Variants in GALNS observed in about 807,000 individuals in gnomAD.
The protein encoded by GALNS is N-acetylgalactosamine-6-sulfatase.
Under a neutral mutation model 65.9 loss-of-function variants are expected in GALNS, and 65 were observed. That is an observed-to-expected ratio of 0.99 (90% CI 0.81 to 1.21). The LOEUF is 1.21. Ranked by LOEUF, GALNS falls within the 50% of genes most tolerant of loss-of-function variation. The probability of loss-of-function intolerance (pLI) is 0.00; values close to 1 mark genes in which losing one functional copy is unlikely to be tolerated. For synonymous variants in GALNS, 346 were observed against 288.9 expected (o/e 1.20, Z -2.00); for missense variants, 776 against 700.7 (o/e 1.11, Z -1.21).
intron 8 of GALNS, among the ~76,000 whole-genome samples, chr16:88,833,455 T>C (rs202180920): frequency 0.016 from 1,196 of 75,282 alleles, 14 homozygotes; most frequent in African/African-American, 0.046. Context: ...TCCCATCCCC[T>C]TTTTTTTTTT....
At chr16:88,825,051 C>CCGGGGCTGGGGTGCCTGGGT (rs1567519570) in intron 10 of GALNS, among the ~76,000 whole-genome samples, 182 bp from the exon 11 acceptor site, 11 of 117,252 alleles carry the variant, frequency 9.4e-5, no homozygotes, top group Admixed American at 5.0e-4. Flanking sequence ...GGTGCCTGGG[C>CCGGGGCTGGGGTGCCTGGGT]GGCCGGGGCT....
intron 8 of GALNS, among the ~76,000 whole-genome samples, chr16:88,832,490 G>GC (rs770251238): frequency 2.8e-4 from 43 of 152,246 alleles, no homozygotes; most frequent in Non-Finnish European, 5.1e-4. Context: ...CCAACTTCTG[G>GC]CCTCCCCATG....
chr16:88,833,128 T>G (rs1174529890), intron 8 of GALNS, among the ~76,000 whole-genome samples: 3 of 139,860 alleles, frequency 2.1e-5, no homozygotes, highest in Non-Finnish European at 4.7e-5. Context: ...AGTGAAAAAG[T>G]GAACCATCCA....
intron 12 of GALNS, among the ~76,000 whole-genome samples, chr16:88,819,168 G>A (rs1356242711): frequency 6.6e-6 from 1 of 152,216 alleles, no homozygotes; most frequent in Non-Finnish European, 1.5e-5. Context: ...ATGCAACAGG[G>A]ACGGGGATGC....
rs1967948139 is a variant in GALNS at position 88,856,889 on chromosome 16, G to T, written c.-12C>A. Reference sequence around the variant, plus strand: ...ACAACCGCCGCCATGGCAACCACGGGAGCCGCGGAGCCCCGGCCAGCGAGC... The same window carrying T: ...ACAACCGCCGCCATGGCAACCACGGTAGCCGCGGAGCCCCGGCCAGCGAGC... On this transcript the variant is annotated 5_prime_UTR_variant, in exon 1 of 14. Coordinates refer to ENST00000268695, the MANE Select transcript of GALNS (RefSeq NM_000512.5). 1 of 1,504,282 alleles carries T rather than the reference G, an allele frequency of 6.6e-7. No individual in the cohort carries two copies. The highest frequency in any genetic ancestry group is 8.8e-7 in the Non-Finnish European group (1 of 1,135,166). 93.2% of individuals were successfully genotyped at this position (1,504,282 alleles called of 1,614,324 possible).
Position 88,822,583 on chromosome 16 carries a change from A to T in GALNS, c.1364+6T>A, listed in dbSNP as rs377120480. 5.6e-6 allele frequency: 9 copies of T among 1,611,924 alleles called. No individual in the cohort carries two copies. In the African/African-American group the frequency reaches 8.0e-5, roughly 14 times the overall value. Reference sequence around the variant, plus strand: ...TCAGCAGCCAGGAGGCCCTGCACCGACTCACCTGAGGGGGAACCTCTCCCC... The same window carrying T: ...TCAGCAGCCAGGAGGCCCTGCACCGTCTCACCTGAGGGGGAACCTCTCCCC... On this transcript the variant is annotated splice_donor_region_variant and intron_variant, in intron 12 of 13. Coordinates refer to ENST00000268695, the MANE Select transcript of GALNS (RefSeq NM_000512.5).
chr16:88,814,790 G>A (rs1235461545), intron 13 of GALNS, among the ~76,000 whole-genome samples: 5 of 152,180 alleles, frequency 3.3e-5, no homozygotes, highest in Non-Finnish European at 5.9e-5. Flanking sequence ...TAGTAGAGAC[G>A]GAGTTTCACC....
chr16:88,816,711 G>A, intron 13 of GALNS: 1 of 985,452 alleles, frequency 1.0e-6, no homozygotes, highest in Non-Finnish European at 1.2e-6. Context: ...GCTGTTCAGA[G>A]CCACCACCTT....
chr16:88,821,758 C>T (rs934577197), intron 12 of GALNS, among the ~76,000 whole-genome samples: 48 of 152,310 alleles, frequency 3.2e-4, no homozygotes, highest in African/African-American at 1.1e-3. Flanking sequence ...GCATAGAAAG[C>T]CTGGGCAGGG....
chr16:88,841,042 C>G lies in GALNS; in HGVS notation c.372G>C (p.Leu124=). ...VGGIPDSEQL[L]PELLKKAGYV... Reference sequence around the variant, plus strand: ...AGCCGGCCTTCTTCAGAAGCTCCGGCAGGAGCTGCTCCGAGTCTGGGATGC... The same window carrying G: ...AGCCGGCCTTCTTCAGAAGCTCCGGGAGGAGCTGCTCCGAGTCTGGGATGC... The change falls in exon 4 of 14, where the codon CTG becomes CTC. Residue 124 remains leucine (L), a synonymous_variant. Transcript: ENST00000268695. 13 of 1,613,296 alleles carry G rather than the reference C, an allele frequency of 8.1e-6. No individual in the cohort carries two copies. Among genetic ancestry groups the G allele is most frequent in the Non-Finnish European group, 1.1e-5 (13 of 1,180,024 alleles).
chr16:88,816,445 G>A, intron 13 of GALNS: 1 of 985,418 alleles, frequency 1.0e-6, no homozygotes, highest in Non-Finnish European at 1.2e-6. Flanking sequence ...TCCAGAGGCG[G>A]GGACGCCAGC....
intron 1 of GALNS, chr16:88,844,040 G>C (rs1290709907): frequency 2.0e-5 from 3 of 152,218 alleles, no homozygotes; most frequent in African/African-American, 7.3e-5. Context: ...TCTTGGGATG[G>C]ACTGTTTGGA....
chr16:88,834,157 C>T (rs1320727470), intron 8 of GALNS, among the ~76,000 whole-genome samples: 1 of 152,266 alleles, frequency 6.6e-6, no homozygotes, highest in Non-Finnish European at 1.5e-5. Context: ...GCCAGGCTCA[C>T]CCAGGGGAGC....
chr16:88,829,095 T>C (rs1309408493), intron 9 of GALNS, among the ~76,000 whole-genome samples: 1 of 146,794 alleles, frequency 6.8e-6, no homozygotes, highest in Non-Finnish European at 1.5e-5. Flanking sequence ...CTCCCAGAGC[T>C]ACACAGTTCC....
At chr16:88,817,082 T>A (rs1460303286) in intron 13 of GALNS, 2 of 985,312 alleles carry the variant, frequency 2.0e-6, no homozygotes. Flanking sequence ...TGTGAAGACC[T>A]GCCCTGCTGG....
At chr16:88,836,963 G>A (rs1440875333) in intron 5 of GALNS, among the ~76,000 whole-genome samples, 4 of 152,228 alleles carry the variant, frequency 2.6e-5, no homozygotes, top group African/African-American at 4.8e-5. Flanking sequence ...CCACAGAACT[G>A]CACACTTCAA....
intron 13 of GALNS, 103 bp downstream of exon 13, chr16:88,817,904 G>A (rs1909801565): frequency 2.0e-6 from 2 of 988,582 alleles, no homozygotes; most frequent in Non-Finnish European, 3.1e-6. Flanking sequence ...AGGCGGGGAA[G>A]CACGCCTGCC....
intron 1 of GALNS, chr16:88,855,115 G>A (rs748093162): frequency 1.6e-5 from 8 of 504,588 alleles, no homozygotes; most frequent in African/African-American, 7.9e-5. Context: ...TAGAAAAGCA[G>A]AAGTAGGTGA....
intron 1 of GALNS, chr16:88,843,109 G>A (rs985356770): frequency 1.4e-6 from 2 of 1,473,122 alleles, no homozygotes; most frequent in Admixed American, 4.1e-5. Flanking sequence ...CTTCTGCTTG[G>A]TCTTCAGGTG....
Sources: gnomAD v4.1 joint callset for allele counts (sites outside exome capture counted in the v4.1 genomes callset) on GRCh38, gnomAD v4.1.1 for gene constraint, MANE v1.5 for transcripts, NCBI Gene and HGNC (gene_info 2026-07-23, HGNC 2026-07-21) for gene names.